RPS6KC1: variants seen among roughly 807,000 people sequenced by gnomAD.
RPS6KC1 encodes the protein ribosomal protein S6 kinase C1, also known as inactive ribosomal protein S6 kinase delta-1.
RPS6KC1 carries 54 observed loss-of-function variants against 103.8 expected under a neutral mutation model. That is an observed-to-expected ratio of 0.52 (90% CI 0.42 to 0.65). The LOEUF is 0.65. Ranked by LOEUF, RPS6KC1 falls within the 30% of genes least tolerant of loss-of-function variation. The pLI, the probability that RPS6KC1 is intolerant of heterozygous loss-of-function variation, is 0.00. For missense variants in RPS6KC1, 1,151 were observed against 1,253.8 expected (o/e 0.92, Z 1.24); for synonymous variants, 439 against 438.7 (o/e 1.00, Z -0.01).
the RPS6KC1 span, among the ~76,000 whole-genome samples, chr1:213,812,535 G>A: frequency 2.0e-5 from 3 of 152,118 alleles, no homozygotes; most frequent in African/African-American, 7.2e-5. Context: ...TTTTCTTCAT[G>A]TGGAAATTCA....
At chr1:213,448,225 CAAAAAAAAAAAAA>C in the RPS6KC1 span, among the ~76,000 whole-genome samples, 1 of 75,822 alleles carries the variant, frequency 1.3e-5, no homozygotes, top group Non-Finnish European at 2.3e-5. Context: ...GTGAGACTGT[CAAAAAAAAAAAAA>C]AAAAAAAAAG....
intron 1 of RPS6KC1, among the ~76,000 whole-genome samples, chr1:213,065,264 C>T (rs1009679587): frequency 1.1e-4 from 17 of 152,216 alleles, no homozygotes; most frequent in Middle Eastern, 3.4e-3. Flanking sequence ...CTTGAGCCAT[C>T]GTGTCTGGCC....
At chr1:213,735,302 C>T in the RPS6KC1 span, among the ~76,000 whole-genome samples, 2 of 152,300 alleles carry the variant, frequency 1.3e-5, no homozygotes, top group Admixed American at 6.5e-5. Context: ...ATACTAAATG[C>T]TAATCTGAGA....
chr1:213,362,305 G>A, the RPS6KC1 span, among the ~76,000 whole-genome samples: 11 of 152,234 alleles, frequency 7.2e-5, no homozygotes, highest in East Asian at 1.9e-4. Flanking sequence ...ACTTTTTCTC[G>A]GCTATGTAAC....
intron 7 of RPS6KC1, among the ~76,000 whole-genome samples, chr1:213,169,685 A>G (rs1457949244): frequency 1.3e-5 from 2 of 152,054 alleles, no homozygotes; most frequent in African/African-American, 2.4e-5. Context: ...GGGGGCATTG[A>G]TGAAAGCATT....
At chr1:213,491,072 A>G in the RPS6KC1 span, among the ~76,000 whole-genome samples, 1 of 152,094 alleles carries the variant, frequency 6.6e-6, no homozygotes, top group Non-Finnish European at 1.5e-5. Flanking sequence ...TGCCCACCCC[A>G]ATGTTCACCT....
chr1:213,307,315 T>C, the RPS6KC1 span, among the ~76,000 whole-genome samples: 1 of 152,196 alleles, frequency 6.6e-6, no homozygotes, highest in South Asian at 2.1e-4. Context: ...CCTCCCATAG[T>C]GCTGGGATTA....
the RPS6KC1 span, among the ~76,000 whole-genome samples, chr1:213,675,790 T>C: frequency 6.6e-6 from 1 of 152,064 alleles, no homozygotes; most frequent in South Asian, 2.1e-4. Flanking sequence ...GGCAGGAGAA[T>C]CACTTGAACC....
chr1:213,772,923 G>T, the RPS6KC1 span, among the ~76,000 whole-genome samples: 35 of 152,302 alleles, frequency 2.3e-4, 1 homozygote, highest in South Asian at 7.3e-3. Context: ...ATGCAGAAAG[G>T]GGGGTAATGA....
At chr1:213,189,004 G>C (rs959024262) in intron 8 of RPS6KC1, among the ~76,000 whole-genome samples, 4 of 152,082 alleles carry the variant, frequency 2.6e-5, no homozygotes, top group Non-Finnish European at 5.9e-5. Context: ...CTGGTATAGA[G>C]ACACACACAT....
the RPS6KC1 span, among the ~76,000 whole-genome samples, chr1:213,553,239 C>T: frequency 6.6e-6 from 1 of 152,194 alleles, no homozygotes; most frequent in Non-Finnish European, 1.5e-5. Context: ...TTAGCTCCCA[C>T]TTACAAGTAA....
chr1:213,447,081 T>C, the RPS6KC1 span, among the ~76,000 whole-genome samples: 1 of 152,160 alleles, frequency 6.6e-6, no homozygotes, highest in Non-Finnish European at 1.5e-5. Context: ...GTATTTTTTT[T>C]TTTTTTGACA....
chr1:213,638,839 C>T, the RPS6KC1 span, among the ~76,000 whole-genome samples: 1 of 152,028 alleles, frequency 6.6e-6, no homozygotes, highest in Non-Finnish European at 1.5e-5. Flanking sequence ...ATTCTGGGTC[C>T]TTTTCATTTC....
the RPS6KC1 span, among the ~76,000 whole-genome samples, chr1:213,585,810 CA>C: frequency 1.3e-5 from 2 of 152,116 alleles, no homozygotes; most frequent in African/African-American, 4.8e-5. Flanking sequence ...CGGCTTAACA[CA>C]TGGCATGGTA....
intron 8 of RPS6KC1, among the ~76,000 whole-genome samples, chr1:213,192,187 A>G (rs1323791942): frequency 6.6e-6 from 1 of 152,232 alleles, no homozygotes; most frequent in East Asian, 1.9e-4. Context: ...ATGATGTATG[A>G]CATTAATTTA....
intron 10 of RPS6KC1, among the ~76,000 whole-genome samples, chr1:213,239,166 A>G (rs945715076): frequency 1.3e-5 from 2 of 152,054 alleles, no homozygotes; most frequent in Non-Finnish European, 2.9e-5. Flanking sequence ...ACTGGTATCA[A>G]AATGGGGAAG....
rs137924158 is a variant in RPS6KC1 at position 213,177,954 on chromosome 1, A to C, written c.1044+1462A>C. Reference sequence around the variant, plus strand: ...TGCTGTAGTTTGCACCTGTAATCCCAGCACTTTGGGAGGCCGAGGTGGGCA... The same window carrying C: ...TGCTGTAGTTTGCACCTGTAATCCCCGCACTTTGGGAGGCCGAGGTGGGCA... On this transcript the variant is annotated intron_variant, in intron 8 of 14. Coordinates refer to ENST00000366960, the MANE Select transcript of RPS6KC1 (RefSeq NM_012424.6). Among the ~76,000 whole-genome samples, 5 of 152,150 alleles carry C rather than the reference A, an allele frequency of 3.3e-5. No homozygotes were observed. The Middle Eastern group carries it at 0.01, about 311-fold the overall frequency.
the RPS6KC1 span, among the ~76,000 whole-genome samples, chr1:213,571,091 T>C: frequency 5.3e-5 from 8 of 152,354 alleles, no homozygotes; most frequent in South Asian, 1.4e-3. Flanking sequence ...ATGGCCTCAA[T>C]ATTCTACTTG....
At chr1:213,587,600 A>G in the RPS6KC1 span, among the ~76,000 whole-genome samples, 54 of 152,324 alleles carry the variant, frequency 3.5e-4, no homozygotes, top group African/African-American at 1.3e-3. Context: ...AAATAATTAA[A>G]TGGATTTAAG....
Sources: allele counts gnomAD v4.1 joint callset (sites outside exome capture counted in the v4.1 genomes callset), GRCh38; gene constraint gnomAD v4.1.1; transcripts MANE v1.5; gene names NCBI Gene and HGNC (gene_info 2026-07-23, HGNC 2026-07-21).